The following ZNF688 variants were observed in gnomAD, a reference collection of about 807,000 sequenced individuals.
ZNF688 encodes the protein zinc finger protein 688.
ZNF688 carries 10 observed loss-of-function variants against 13.2 expected under a neutral mutation model. The ratio of observed to expected loss-of-function variants is 0.76; its 90% confidence interval spans 0.47 to 1.28. The LOEUF (loss-of-function observed/expected upper bound fraction) is 1.28. Among genes scored for constraint, ZNF688 ranks in the 50% most tolerant of loss-of-function variants. The probability of loss-of-function intolerance (pLI) is 0.00; values close to 1 mark genes in which losing one functional copy is unlikely to be tolerated. For missense variants in ZNF688, 381 were observed against 391.4 expected (o/e 0.97, Z 0.22); for synonymous variants, 160 against 159.4 (o/e 1.00, Z -0.03).
upstream of ZNF688, chr16:30,572,197 G>A (rs2051697904): frequency 6.2e-7 from 1 of 1,606,746 alleles, no homozygotes; most frequent in South Asian, 1.1e-5. Flanking sequence ...ATTGGCCTGG[G>A]ACTGGCGGGG....
chr16:30,575,491 C>A (rs2051737200), upstream of ZNF688, among the ~76,000 whole-genome samples: 1 of 152,042 alleles, frequency 6.6e-6, no homozygotes. Context: ...GGTGATCGAC[C>A]AGCCTTGGCC....
At chr16:30,572,144 ACGGC>A, upstream of ZNF688, 2 of 1,600,230 alleles carry the variant, frequency 1.2e-6, no homozygotes, top group Non-Finnish European at 1.7e-6. Context: ...GCAATACGCA[ACGGC>A]CGATGATTGG....
chr16:30,573,835 G>A, upstream of ZNF688: 1 of 343,906 alleles, frequency 2.9e-6, no homozygotes, highest in South Asian at 2.4e-5. Flanking sequence ...TTATTAATAT[G>A]CTTACATTAT....
upstream of ZNF688, among the ~76,000 whole-genome samples, chr16:30,574,960 G>A (rs2151233326): frequency 6.6e-6 from 1 of 152,284 alleles, no homozygotes; most frequent in African/African-American, 2.4e-5. Context: ...GAGGACATGT[G>A]ATATTTGCCT....
chr16:30,576,191 A>G (rs1280347774), upstream of ZNF688, among the ~76,000 whole-genome samples: 1 of 151,366 alleles, frequency 6.6e-6, no homozygotes, highest in Non-Finnish European at 1.5e-5. Context: ...GGGATTACAT[A>G]CGTGCACCAC....
In ZNF688 at chr16:30,571,633, G is replaced by T. The variant is rs966951689; in HGVS notation, c.-4C>A. On this transcript the variant is annotated 5_prime_UTR_variant, in exon 1 of 3. Coordinates refer to ENST00000223459, the MANE Select transcript of ZNF688 (RefSeq NM_145271.4). The stretch of plus-strand genomic sequence containing the variant: ...GCGGGGCTGGGGGCGGCGCCATGGG[G>T]CCTCGCAGCCCCGATCGGCGGCCGC... The T allele has an allele frequency of 1.8e-5, 26 of 1,449,142 alleles. No homozygotes were observed. The highest frequency in any genetic ancestry group is 8.9e-5 in the Admixed American group (3 of 33,772). 89.8% of individuals were successfully genotyped at this position (1,449,142 alleles called of 1,614,324 possible).
At position 30,571,530 on chromosome 16, in the gene ZNF688, A is replaced by G; in HGVS notation, c.100T>C (p.Tyr34His). 1 of 1,588,304 alleles carries G rather than the reference A, an allele frequency of 6.3e-7. No individual in the cohort carries two copies. ...CAGCCCCACTCCTCCGGGGAGAAGT[A>G]CACGGCCACGTCCGCGAAGCTCACA... ...GTVSFADVAVYFSPEEWGCLR... is the reference protein window; with the variant it reads ...GTVSFADVAVHFSPEEWGCLR... The change falls in exon 1 of 3, where the codon TAC (tyrosine) becomes CAC (histidine). Residue 34 changes from tyrosine (Y) to histidine (H), a missense_variant. Transcript: ENST00000223459.
At position 30,571,127 on chromosome 16, in the gene ZNF688, G is replaced by A. The variant is rs777700708; in HGVS notation, c.197-4C>T. The A allele has an allele frequency of 2.5e-5, 40 of 1,572,266 alleles. No homozygotes were observed. In the Admixed American group the frequency reaches 3.5e-4, roughly 14 times the overall value. ...GCTGGTTTGGGGCCTGGGAATCCTG[G>A]GAGAGAACAGGGATCACAGCGCGGG... On this transcript the variant is annotated splice_region_variant and splice_polypyrimidine_tract_variant and intron_variant, in intron 1 of 2. Transcript: ENST00000223459.
upstream of ZNF688, chr16:30,572,287 G>T (rs2051700025): frequency 6.7e-7 from 1 of 1,502,652 alleles, no homozygotes; most frequent in Admixed American, 2.2e-5. Flanking sequence ...TGCGGTGCTC[G>T]GGATTGTGTC....
upstream of ZNF688, among the ~76,000 whole-genome samples, chr16:30,575,614 T>A (rs1415258195): frequency 6.6e-6 from 1 of 152,120 alleles, no homozygotes; most frequent in East Asian, 1.9e-4. Context: ...CTGTACTAAC[T>A]TACGTTCCCA....
chr16:30,570,502 G>A (rs991549875), intron 2 of ZNF688, 66 bp from the exon 3 acceptor site: 28 of 1,533,722 alleles, frequency 1.8e-5, no homozygotes, highest in Non-Finnish European at 2.4e-5. Context: ...GTTATAGAAT[G>A]CTTTTCACTT....
At chr16:30,574,637 T>A (rs1026348274), upstream of ZNF688, among the ~76,000 whole-genome samples, 8 of 152,196 alleles carry the variant, frequency 5.3e-5, no homozygotes, top group African/African-American at 1.7e-4. Flanking sequence ...CTTTTCTTCA[T>A]ACATAGAATG....
chr16:30,577,907 T>C, the ZNF688 span, among the ~76,000 whole-genome samples: 1 of 152,060 alleles, frequency 6.6e-6, no homozygotes, highest in Admixed American at 6.6e-5. Context: ...TGGCTTCAAG[T>C]GATCCACCGT....
chr16:30,571,788 G>C, upstream of ZNF688: 1 of 1,320,534 alleles, frequency 7.6e-7, no homozygotes, highest in South Asian at 2.3e-5. Context: ...TGGCTGCTAG[G>C]GATTCGAGGA....
chr16:30,569,808 G>A lies in ZNF688; in HGVS notation c.*108C>T, dbSNP rs73534288. 3,138 of 1,367,160 alleles carry A rather than the reference G, an allele frequency of 2.3e-3. 71 individuals carry two copies. The African/African-American group carries it at 0.042, about 19-fold the overall frequency. The allele number at this position is 1,367,160 out of a possible 1,614,324, so 84.7% of individuals were successfully genotyped here. A position where few individuals can be genotyped will look rare whatever the true frequency, so the allele number is the denominator to read the frequency against. On this transcript the variant is annotated 3_prime_UTR_variant, in exon 3 of 3. Coordinates refer to ENST00000223459, the MANE Select transcript of ZNF688 (RefSeq NM_145271.4). The stretch of plus-strand genomic sequence containing the variant: ...GAAACTTGAGGGATCCTTGAGGAAA[G>A]CCCAGGGCATGAATTTCAGTTCCGG...
chr16:30,571,534 G>C lies in ZNF688; in HGVS notation c.96C>G (p.Ala32=). 6.3e-7 allele frequency: 1 copy of C among 1,586,956 alleles called. No homozygotes were observed. The highest frequency in any genetic ancestry group is 8.6e-7 in the Non-Finnish European group (1 of 1,167,636). The change falls in exon 1 of 3, where the codon GCC becomes GCG. Residue 32 remains alanine (A), a synonymous_variant. Coordinates refer to ENST00000223459, the MANE Select transcript of ZNF688 (RefSeq NM_145271.4). The part of the protein sequence containing the change: ...KPGTVSFADV[A]VYFSPEEWGC... ...CCCACTCCTCCGGGGAGAAGTACAC[G>C]GCCACGTCCGCGAAGCTCACAGTCC...
At chr16:30,573,919 A>G (rs1337420035), upstream of ZNF688, 3 of 336,432 alleles carry the variant, frequency 8.9e-6, no homozygotes, top group South Asian at 4.7e-5. Flanking sequence ...GGAAAAATAT[A>G]TCCTTAGAAA....
At chr16:30,572,961 C>T (rs942373023), upstream of ZNF688, among the ~76,000 whole-genome samples, 3 of 152,110 alleles carry the variant, frequency 2.0e-5, no homozygotes, top group African/African-American at 7.2e-5. Context: ...GGCTGGAGTG[C>T]AATGGCGCTA....
At position 30,570,112 on chromosome 16, in the gene ZNF688, G is replaced by A; in HGVS notation, c.635C>T (p.Pro212Leu). The A allele has an allele frequency of 2.5e-6, 4 of 1,611,478 alleles. No individual in the cohort carries two copies. The highest frequency in any genetic ancestry group is 3.4e-6 in the Non-Finnish European group (4 of 1,179,006). ...RRMHSGERPF[P>L]CPECGMRFKR... Reference sequence around the variant, plus strand: ...GAAGCGCATGCCACACTCGGGGCAGGGGAAAGGCCGCTCCCCCGAGTGCAT... The same window carrying A: ...GAAGCGCATGCCACACTCGGGGCAGAGGAAAGGCCGCTCCCCCGAGTGCAT... Residue 212 changes from proline to leucine, a missense_variant, in exon 3 of 3, where the codon CCC becomes CTC. Physicochemically the swap from Pro to Leu is moderately conservative, Grantham distance 98. Coordinates refer to ENST00000223459, the MANE Select transcript of ZNF688 (RefSeq NM_145271.4).
Sources: gnomAD v4.1 joint callset for allele counts (sites outside exome capture counted in the v4.1 genomes callset) on GRCh38, gnomAD v4.1.1 for gene constraint, MANE v1.5 for transcripts, NCBI Gene and HGNC (gene_info 2026-07-23, HGNC 2026-07-21) for gene names.